Variants in WAC observed in about 807,000 individuals in gnomAD.
WAC encodes the protein WW domain-containing adapter protein with coiled-coil.
A neutral mutation model predicts 79.6 loss-of-function variants in WAC; 11 were observed. The ratio of observed to expected loss-of-function variants is 0.14; its 90% CI spans 0.09 to 0.23. The LOEUF is 0.23. Ranked by LOEUF, WAC falls within the 10% of genes least tolerant of loss-of-function variation. The pLI is 1.00. For synonymous variants in WAC, 304 were observed against 276.9 expected (o/e 1.10, Z -0.97); for missense variants, 728 against 773.5 (o/e 0.94, Z 0.70).
At chr10:28,609,685 G>A (rs193255844) in intron 8 of WAC, among the ~76,000 whole-genome samples, 123 of 152,018 alleles carry the variant, frequency 8.1e-4, no homozygotes, top group Middle Eastern at 3.4e-3. Context: ...ACCAGCCTGG[G>A]CAACATGGTG....
At chr10:28,538,735 A>C (rs1230799022) in intron 3 of WAC, among the ~76,000 whole-genome samples, 11 of 151,500 alleles carry the variant, frequency 7.3e-5, no homozygotes, top group Non-Finnish European at 1.3e-4. Context: ...ACTAAAAAAA[A>C]AAAAAATTTT....
rs551973656 is a variant in WAC, at chr10:28,592,220, T to G, written c.610+1388T>G. The stretch of plus-strand genomic sequence containing the variant: ...TCTTTTTATATCTTAATAAACTGAC[T>G]TTTGTCAAACAATTAAAAATGAGAC... On this transcript the variant is annotated intron_variant, in intron 6 of 13. Coordinates refer to ENST00000354911, the MANE Select transcript of WAC (RefSeq NM_016628.5). 4.0e-5 allele frequency among the ~76,000 whole-genome samples: 6 copies of G among 151,272 alleles called. No individual in the cohort carries two copies. In the South Asian group the frequency reaches 1.2e-3, roughly 31 times the overall value.
chr10:28,539,812 G>A (rs1564371564), intron 3 of WAC, among the ~76,000 whole-genome samples: 1 of 152,140 alleles, frequency 6.6e-6, no homozygotes, highest in African/African-American at 2.4e-5. Context: ...ACCTGCCTCG[G>A]CCTCCCAAAG....
chr10:28,599,782 C>CTTG, intron 7 of WAC, among the ~76,000 whole-genome samples: 1 of 152,180 alleles, frequency 6.6e-6, no homozygotes, highest in East Asian at 1.9e-4. Context: ...AGAGAACAGT[C>CTTG]TTGATGTTAG....
intron 3 of WAC, among the ~76,000 whole-genome samples, chr10:28,558,482 G>A (rs1838120411): frequency 6.6e-6 from 1 of 152,102 alleles, no homozygotes. Flanking sequence ...GATTGGCTGA[G>A]TGTGTTTCAT....
At position 28,620,814 on chromosome 10, in the gene WAC, ATGTT is replaced by A; in HGVS notation, c.*1212_*1215del. 1 of 152,346 alleles carries A rather than the reference ATGTT, an allele frequency of 6.6e-6. No individual in the cohort carries two copies. The highest frequency in any genetic ancestry group is 6.5e-5 in the Admixed American group (1 of 15,298). The allele number at this position is 152,346 out of a possible 1,614,324, so 9.4% of individuals were successfully genotyped here. The stretch of plus-strand genomic sequence containing the variant: ...CTATTATGACATTTCATTTGGAAGG[ATGTT>A]TGTGTTGTAGCTAACTGTTCAAGTC... On this transcript the variant is annotated 3_prime_UTR_variant, in exon 14 of 14. Coordinates refer to ENST00000354911, the MANE Select transcript of WAC (RefSeq NM_016628.5).
chr10:28,553,161 T>C (rs888176594), intron 3 of WAC, among the ~76,000 whole-genome samples: 1 of 152,208 alleles, frequency 6.6e-6, no homozygotes, highest in African/African-American at 2.4e-5. Context: ...TCTGGATTTA[T>C]TAGGTTTAAA....
intron 3 of WAC, chr10:28,538,272 C>A: frequency 3.2e-6 from 1 of 312,196 alleles, no homozygotes. Flanking sequence ...ATTATAAACT[C>A]CTTTGGATTT....
intron 3 of WAC, among the ~76,000 whole-genome samples, chr10:28,563,605 A>G (rs1340032978): frequency 2.0e-5 from 3 of 151,956 alleles, no homozygotes; most frequent in East Asian, 1.9e-4. Flanking sequence ...TTTGAGACGG[A>G]GTTTTGCTCT....
chr10:28,571,872 A>C (rs994051535), intron 3 of WAC, among the ~76,000 whole-genome samples: 1 of 152,244 alleles, frequency 6.6e-6, no homozygotes, highest in Non-Finnish European at 1.5e-5. Flanking sequence ...TTTTTTAGCT[A>C]TATTACTTGC....
intron 3 of WAC, among the ~76,000 whole-genome samples, chr10:28,582,241 T>C (rs2132621791): frequency 6.6e-6 from 1 of 152,342 alleles, no homozygotes; most frequent in South Asian, 2.1e-4. Flanking sequence ...GCAAAGCAGT[T>C]AGTCACCTCT....
chr10:28,554,611 C>T lies in WAC; in HGVS notation c.274+18854C>T, dbSNP rs4556447. On this transcript the variant is annotated intron_variant, in intron 3 of 13. Transcript: ENST00000354911. ...GTTTCTTGCTCTAAGAGTCATACTA[C>T]CCCACCATTCCCTCCCAGTTCATTC... 2.9e-3 allele frequency among the ~76,000 whole-genome samples: 444 copies of T among 152,146 alleles called. 2 individuals are homozygous for T. The highest frequency in any genetic ancestry group is 0.01 in the African/African-American group (431 of 41,444).
chr10:28,562,953 T>C (rs989262358), intron 3 of WAC, among the ~76,000 whole-genome samples: 2 of 152,324 alleles, frequency 1.3e-5, no homozygotes, highest in South Asian at 4.1e-4. Context: ...TCTGTAACAA[T>C]TACTAGTGTG....
At chr10:28,542,410 G>T (rs1259269037) in intron 3 of WAC, among the ~76,000 whole-genome samples, 1 of 152,212 alleles carries the variant, frequency 6.6e-6, no homozygotes, top group Non-Finnish European at 1.5e-5. Context: ...TGGGGAAAAT[G>T]GAGTTAGGAG....
intron 3 of WAC, among the ~76,000 whole-genome samples, chr10:28,562,473 G>A (rs1838356316): frequency 1.3e-5 from 2 of 152,216 alleles, no homozygotes; most frequent in South Asian, 4.1e-4. Context: ...TTTTTGGTCT[G>A]ATATAGTGAT....
chr10:28,551,006 C>T (rs950924492), intron 3 of WAC, among the ~76,000 whole-genome samples: 1 of 152,036 alleles, frequency 6.6e-6, no homozygotes, highest in East Asian at 1.9e-4. Flanking sequence ...GTTCCTTTTC[C>T]AAATCATTGT....
chr10:28,544,866 C>T (rs1398211552), intron 3 of WAC, among the ~76,000 whole-genome samples: 1 of 151,952 alleles, frequency 6.6e-6, no homozygotes, highest in Non-Finnish European at 1.5e-5. Flanking sequence ...GAGTTTGAGA[C>T]CAGCCTGTGC....
chr10:28,535,407 G>C (rs1394304384), intron 2 of WAC, 155 bp from the exon 3 acceptor site: 6 of 839,802 alleles, frequency 7.1e-6, no homozygotes, highest in Non-Finnish European at 1.0e-5. Context: ...TTTTTTGTCT[G>C]AGAAACTTTA....
intron 7 of WAC, among the ~76,000 whole-genome samples, chr10:28,601,228 A>G (rs1437282774): frequency 6.6e-6 from 1 of 152,158 alleles, no homozygotes; most frequent in Non-Finnish European, 1.5e-5. Context: ...ATGTAAAACA[A>G]CACGGTTCAT....
Sources: gnomAD v4.1 joint callset for allele counts (sites outside exome capture counted in the v4.1 genomes callset) on GRCh38, gnomAD v4.1.1 for gene constraint, MANE v1.5 for transcripts, NCBI Gene and HGNC (gene_info 2026-07-23, HGNC 2026-07-21) for gene names.